TIRAP: variants seen among roughly 807,000 people sequenced by gnomAD.
TIRAP encodes the protein TIR domain containing adaptor protein.
In TIRAP, 20 loss-of-function variants were observed where a neutral mutation model predicts 19.8. The ratio of observed to expected loss-of-function variants is 1.01; its 90% confidence interval spans 0.71 to 1.47. The LOEUF is 1.47. Among genes scored for constraint, TIRAP ranks in the 40% most tolerant of loss-of-function variants. TIRAP has a pLI of 0.00. For synonymous variants in TIRAP, 125 were observed against 121.7 expected (o/e 1.03, Z -0.18); for missense variants, 276 against 285.1 (o/e 0.97, Z 0.23).
chr11:126,289,634 A>G (rs919347304), intron 1 of TIRAP: 2 of 985,074 alleles, frequency 2.0e-6, no homozygotes. Flanking sequence ...ACTTGCTTCC[A>G]TGAGTTCTCA....
In TIRAP at chr11:126,283,114, C is replaced by G. The variant is rs953327699; in HGVS notation, c.-256C>G. 6 of 984,922 alleles carry G rather than the reference C, an allele frequency of 6.1e-6. No homozygotes were observed. The highest frequency in any genetic ancestry group is 3.6e-6 in the Non-Finnish European group (3 of 829,674). 61.0% of individuals were successfully genotyped at this position (984,922 alleles called of 1,614,324 possible). On this transcript the variant is annotated 5_prime_UTR_variant, in exon 1 of 5. Coordinates refer to ENST00000392679, the MANE Select transcript of TIRAP (RefSeq NM_001318777.2). ...GCTGCTCTTCCCCGCGGAGCCCGCG[C>G]AGTCCGCGCAGCCCTCATCGCAACT...
chr11:126,285,243 G>GTGTGTGTGTGTGTATATA lies in TIRAP; in HGVS notation c.-217+2091_-217+2092insGTGTGTGTGTGTATATAT. ...ATTTATTGGATATATGTGTGTGTGTGTATATATATATATATATAATATATA... is the reference window on the plus strand; with the variant it reads ...ATTTATTGGATATATGTGTGTGTGTGTGTGTGTGTGTGTATATATATATATATATATATATAATATATA... On this transcript the variant is annotated intron_variant, in intron 1 of 4. Coordinates refer to ENST00000392679, the MANE Select transcript of TIRAP (RefSeq NM_001318777.2). 2.2e-3 allele frequency among the ~76,000 whole-genome samples: 239 copies of GTGTGTGTGTGTGTATATA among 106,964 alleles called. 1 individual carries two copies. Among genetic ancestry groups the GTGTGTGTGTGTGTATATA allele is most frequent in the African/African-American group, 8.2e-3 (231 of 28,236 alleles). 70.2% of individuals were successfully genotyped at this position (106,964 alleles called of 152,430 possible).
rs1473726389 is a variant in TIRAP, at chr11:126,294,860, C to A, written c.*1173C>A. 1 of 231,002 alleles carries A rather than the reference C, an allele frequency of 4.3e-6. No homozygotes were observed. Among genetic ancestry groups the A allele is most frequent in the African/African-American group, 2.3e-5 (1 of 42,958 alleles). 14.3% of individuals were successfully genotyped at this position (231,002 alleles called of 1,614,324 possible). On this transcript the variant is annotated 3_prime_UTR_variant, in exon 5 of 5. Transcript: ENST00000392679. ...CCTGTAATCTCAGCACTTTGGGAGG[C>A]CGAGGCAGGTGGATCACCTGAGGTC...
chr11:126,287,111 CAT>C lies in TIRAP; in HGVS notation c.-216-3348_-216-3347del, dbSNP rs1951330689. Among the ~76,000 whole-genome samples, 1 of 152,192 alleles carries C rather than the reference CAT, an allele frequency of 6.6e-6. No homozygotes were observed. Among genetic ancestry groups the C allele is most frequent in the African/African-American group, 2.4e-5 (1 of 41,442 alleles). The stretch of plus-strand genomic sequence containing the variant: ...AATCCCCTTTTGCCACGGAAGGTAA[CAT>C]ATTCTCAGTTCCGGGGATTAGGATG... On this transcript the variant is annotated intron_variant, in intron 1 of 4. Coordinates refer to ENST00000392679, the MANE Select transcript of TIRAP (RefSeq NM_001318777.2). The surrounding 1 kb of genome is among the most constrained non-coding windows in gnomAD (Gnocchi z 4.2).
At chr11:126,285,243 G>GTGTGTGTGTGTGTGTATATATATATA in intron 1 of TIRAP, among the ~76,000 whole-genome samples, 6 of 106,974 alleles carry the variant, frequency 5.6e-5, no homozygotes, top group African/African-American at 1.1e-4. Flanking sequence ...GTGTGTGTGT[G>GTGTGTGTGTGTGTGTATATATATATA]TATATATATA....
chr11:126,294,784 A>T lies in TIRAP; in HGVS notation c.*1097A>T, dbSNP rs530081831. 1 of 301,014 alleles carries T rather than the reference A, an allele frequency of 3.3e-6. No individual in the cohort carries two copies. Among genetic ancestry groups the T allele is most frequent in the Admixed American group, 4.6e-5 (1 of 21,542 alleles). The allele number at this position is 301,014 out of a possible 1,614,324, so 18.6% of individuals were successfully genotyped here. On this transcript the variant is annotated 3_prime_UTR_variant, in exon 5 of 5. Transcript: ENST00000392679. ...TTTCTATCTCTAGTTCTAGAAAGAG[A>T]AAATTTATTTTTTAAATTATAAACT...
At chr11:126,283,944 A>T (rs1951285417) in intron 1 of TIRAP, among the ~76,000 whole-genome samples, 1 of 152,200 alleles carries the variant, frequency 6.6e-6, no homozygotes, top group Non-Finnish European at 1.5e-5. Context: ...GCAATCAATA[A>T]AACATGACTA....
intron 1 of TIRAP, among the ~76,000 whole-genome samples, chr11:126,285,870 C>T (rs1399564003): frequency 6.7e-6 from 1 of 150,018 alleles, no homozygotes; most frequent in Non-Finnish European, 1.5e-5. Flanking sequence ...AAGATCCTGT[C>T]TGTACCAAGA....
At position 126,288,587 on chromosome 11, in the gene TIRAP, T is replaced by G. The variant is rs763516823; in HGVS notation, c.-216-1875T>G. The G allele has an allele frequency of 1.3e-5, 2 of 152,184 alleles. No homozygotes were observed. The highest frequency in any genetic ancestry group is 2.9e-5 in the Non-Finnish European group (2 of 68,046). 9.4% of individuals were successfully genotyped at this position (152,184 alleles called of 1,614,324 possible). On this transcript the variant is annotated intron_variant, in intron 1 of 4. Transcript: ENST00000392679. This position sits in a 1 kb window ranked among gnomAD's most constrained non-coding sequence, Gnocchi z 5.0. ...ATCCTGTCAAAGGTGCTGTTATTTT[T>G]CTCTTTAAAACGTTTCCATGTTTCT...
chr11:126,283,127 C>T lies in TIRAP; in HGVS notation c.-243C>T, dbSNP rs1013471686. On this transcript the variant is annotated 5_prime_UTR_variant, in exon 1 of 5. Coordinates refer to ENST00000392679, the MANE Select transcript of TIRAP (RefSeq NM_001318777.2). ...GCGGAGCCCGCGCAGTCCGCGCAGCCCTCATCGCAACTGGGCCCGCGCGCA... is the reference window on the plus strand; with the variant it reads ...GCGGAGCCCGCGCAGTCCGCGCAGCTCTCATCGCAACTGGGCCCGCGCGCA... 3.0e-6 allele frequency: 3 copies of T among 985,044 alleles called. No homozygotes were observed. Among genetic ancestry groups the T allele is most frequent in the African/African-American group, 1.7e-5 (1 of 57,204 alleles). 61.0% of individuals were successfully genotyped at this position (985,044 alleles called of 1,614,324 possible).
At position 126,294,704 on chromosome 11, in the gene TIRAP, C is replaced by T. The variant is rs556047977; in HGVS notation, c.*1017C>T. On this transcript the variant is annotated 3_prime_UTR_variant, in exon 5 of 5. Coordinates refer to ENST00000392679, the MANE Select transcript of TIRAP (RefSeq NM_001318777.2). ...CTCCAATGTGTACTTTTGTGCCCCC[C>T]TCTCACTTCTCCCTATCATGACCCC... 49 of 344,536 alleles carry T rather than the reference C, an allele frequency of 1.4e-4. No individual in the cohort carries two copies. Among genetic ancestry groups the T allele is most frequent in the African/African-American group, 1.0e-3 (47 of 46,750 alleles). 21.3% of individuals were successfully genotyped at this position (344,536 alleles called of 1,614,324 possible). A position where few individuals can be genotyped will look rare whatever the true frequency, so the allele number is the denominator to read the frequency against.
Position 126,293,029 on chromosome 11 carries a change from G to A in TIRAP, c.620G>A (p.Arg207His), listed in dbSNP as rs199561634. 2.4e-5 allele frequency: 38 copies of A among 1,614,044 alleles called. No homozygotes were observed. Among genetic ancestry groups the A allele is most frequent in the East Asian group, 4.5e-5 (2 of 44,896 alleles). ...GGCAGGGGCCCTGATGGTGGCTTTC[G>A]TCAAGTCAAAGAAGCTGTCATGCGT... ...VDGRGPDGGF[R>H]QVKEAVMRYL... Residue 207 changes from arginine (R) to histidine (H), a missense_variant, in exon 4 of 5, where the codon CGT becomes CAT. By Grantham distance (29) the Arg-to-His change is conservative. Coordinates refer to ENST00000392679, the MANE Select transcript of TIRAP (RefSeq NM_001318777.2).
intron 1 of TIRAP, among the ~76,000 whole-genome samples, chr11:126,285,252 T>TATATATATA (rs1951307217): frequency 6.8e-6 from 1 of 146,708 alleles, no homozygotes; most frequent in African/African-American, 2.5e-5. Context: ...TGTATATATA[T>TATATATATA]ATATATATAA....
intron 4 of TIRAP, 22 bp from the exon 5 acceptor site, chr11:126,293,646 C>T (rs376608885): frequency 1.0e-4 from 163 of 1,613,412 alleles, no homozygotes; most frequent in Admixed American, 2.2e-4. Context: ...GGTGTGACAA[C>T]GCTGTGATTG....
In TIRAP at chr11:126,292,646, T is replaced by C. The variant is rs1380872094; in HGVS notation, c.237T>C (p.Ser79=). Residue 79 remains serine, a synonymous_variant, in exon 4 of 5, where the codon AGT becomes AGC. Coordinates refer to ENST00000392679, the MANE Select transcript of TIRAP (RefSeq NM_001318777.2). ...LPPTHASDSG[S]SRWSKDYDVC... ...CCACACATGCGAGTGACAGTGGCAG[T>C]AGTCGCTGGAGCAAAGACTATGACG... is the stretch of plus-strand genomic sequence containing the variant. 6 of 1,614,014 alleles carry C rather than the reference T, an allele frequency of 3.7e-6. No individual in the cohort carries two copies. The African/African-American group carries it at 5.3e-5, about 14-fold the overall frequency.
chr11:126,288,088 CA>C lies in TIRAP; in HGVS notation c.-216-2373del, dbSNP rs1224864222. Among the ~76,000 whole-genome samples the C allele has an allele frequency of 6.6e-6, 1 of 151,986 alleles. No individual in the cohort carries two copies. Among genetic ancestry groups the C allele is most frequent in the Non-Finnish European group, 1.5e-5 (1 of 67,980 alleles). ...ATTTTTAGTAGAGAAGGGGTTTTGACAGGCTGGTCTGGAACTCCTGAGCTCA... is the reference window on the plus strand; with the variant it reads ...ATTTTTAGTAGAGAAGGGGTTTTGACGGCTGGTCTGGAACTCCTGAGCTCA... On this transcript the variant is annotated intron_variant, in intron 1 of 4. Transcript: ENST00000392679. This position sits in a 1 kb window ranked among gnomAD's most constrained non-coding sequence, Gnocchi z 5.0.
chr11:126,290,502 T>C lies in TIRAP; in HGVS notation c.-176T>C. The C allele has an allele frequency of 9.9e-7, 1 of 1,006,182 alleles. No homozygotes were observed. The highest frequency in any genetic ancestry group is 1.2e-6 in the Non-Finnish European group (1 of 844,206). 62.3% of individuals were successfully genotyped at this position (1,006,182 alleles called of 1,614,324 possible). A position where few individuals can be genotyped will look rare whatever the true frequency, so the allele number is the denominator to read the frequency against. ...TCCTTCTAAAGAGCTGCCTGCCAGC[T>C]GCCCTTCCCCAGATCCCGAATATCC... On this transcript the variant is annotated 5_prime_UTR_variant, in exon 2 of 5. Transcript: ENST00000392679. This position sits in a 1 kb window ranked among gnomAD's most constrained non-coding sequence, Gnocchi z 4.9.
At chr11:126,283,356 C>T (rs180718376) in intron 1 of TIRAP, among the ~76,000 whole-genome samples, 118 of 152,308 alleles carry the variant, frequency 7.7e-4, no homozygotes, top group African/African-American at 2.8e-3. Flanking sequence ...AACACGCAAG[C>T]GGCATGAAAG....
chr11:126,292,980 C>T lies in TIRAP; in HGVS notation c.571C>T (p.Leu191Phe), dbSNP rs766347245. The change falls in exon 4 of 5, where the codon CTC (leucine) becomes TTC (phenylalanine). Residue 191 changes from leucine to phenylalanine, a missense_variant. Leu to Phe is a conservative substitution (Grantham distance 22, BLOSUM62 0). Transcript: ENST00000392679. The stretch of plus-strand genomic sequence containing the variant: ...CAGCAGAGCTGCCTACCCACCTGAG[C>T]TCCGATTCATGTACTACGTCGATGG... ...GLSRAAYPPE[L>F]RFMYYVDGRG... The T allele has an allele frequency of 3.1e-6, 5 of 1,614,200 alleles. No homozygotes were observed. The highest frequency in any genetic ancestry group is 4.2e-6 in the Non-Finnish European group (5 of 1,180,012).
Sources: gnomAD v4.1 joint callset for allele counts (sites outside exome capture counted in the v4.1 genomes callset) on GRCh38, gnomAD v4.1.1 for gene constraint, Gnocchi (gnomAD v3.1) non-coding constraint, MANE v1.5 for transcripts, NCBI Gene and HGNC (gene_info 2026-07-23, HGNC 2026-07-21) for gene names.